The following ITGA8 variants were observed in gnomAD, a reference collection of about 807,000 sequenced individuals.
The protein encoded by ITGA8 is integrin alpha-8.
A neutral mutation model predicts 142.3 loss-of-function variants in ITGA8; 91 were observed. That is an observed-to-expected ratio of 0.64 (90% confidence interval 0.54 to 0.76). ITGA8 has a LOEUF of 0.76. Among genes scored for constraint, ITGA8 ranks in the 30% least tolerant of loss-of-function variants. The pLI is 0.00. For synonymous variants in ITGA8, 505 were observed against 485.2 expected (o/e 1.04, Z -0.54); for missense variants, 1,406 against 1,327.7 (o/e 1.06, Z -0.92).
intron 2 of ITGA8, among the ~76,000 whole-genome samples, chr10:15,707,546 G>A (rs1025967598): frequency 3.9e-5 from 6 of 152,160 alleles, no homozygotes; most frequent in African/African-American, 1.4e-4. Context: ...ATCAAGGCTA[G>A]GTGCAGTGGC....
At chr10:15,654,871 C>T (rs563884613) in intron 11 of ITGA8, among the ~76,000 whole-genome samples, 3 of 152,114 alleles carry the variant, frequency 2.0e-5, no homozygotes, top group Non-Finnish European at 1.5e-5. Flanking sequence ...TAAGCACAAC[C>T]AAAATTCACC....
intron 25 of ITGA8, among the ~76,000 whole-genome samples, chr10:15,561,245 A>ATATATATATATATATATATATATG (rs1554772750): frequency 2.2e-5 from 3 of 133,844 alleles, no homozygotes; most frequent in African/African-American, 8.7e-5. Flanking sequence ...GTATATATAT[A>ATATATATATATATATATATATATG]TATATATATG....
rs75923248 is a variant in ITGA8, at chr10:15,659,026, C to T, written c.921G>A (p.Thr307=). 1.6e-3 allele frequency: 2,620 copies of T among 1,606,718 alleles called. 35 individuals carry two copies. The African/African-American group carries it at 0.03, about 19-fold the overall frequency. The change falls in exon 10 of 30, where the codon ACG becomes ACA. Residue 307 remains threonine, a synonymous_variant. Coordinates refer to ENST00000378076, the MANE Select transcript of ITGA8 (RefSeq NM_003638.3). ...YVSIINSTDM[T]FIQNFTGEQM... ...GTTCTCCCGTGAAATTCTGAATAAA[C>T]GTCATATCCGTAGAGTTAATGATGG...
chr10:15,592,237 A>G lies in ITGA8; in HGVS notation c.2279T>C (p.Leu760Pro). The change falls in exon 22 of 30, where the codon CTC becomes CCC. Residue 760 changes from leucine to proline, a missense_variant. Physicochemically the swap from Leu to Pro is moderately conservative, Grantham distance 98. Coordinates refer to ENST00000378076, the MANE Select transcript of ITGA8 (RefSeq NM_003638.3). ...EKTNMSINFD[L>P]QIRSSNKDNP... is the part of the protein sequence containing the mutation. ...GTAAAGGTCTAACCTTCTGATTTGG[A>G]GATCGAAGTTAATGCTCATGTTTGT... 6.2e-7 allele frequency: 1 copy of G among 1,612,964 alleles called. No homozygotes were observed. The highest frequency in any genetic ancestry group is 8.5e-7 in the Non-Finnish European group (1 of 1,179,014).
At chr10:15,613,905 C>A in intron 14 of ITGA8, 138 bp from the exon 15 acceptor site, 1 of 621,438 alleles carries the variant, frequency 1.6e-6, no homozygotes, top group Non-Finnish European at 2.8e-6. Context: ...AGCATTTGTG[C>A]CAAGAATTTT....
intron 27 of ITGA8, among the ~76,000 whole-genome samples, chr10:15,538,694 A>G (rs1833505814): frequency 6.6e-6 from 1 of 152,048 alleles, no homozygotes; most frequent in South Asian, 2.1e-4. Flanking sequence ...CAAATTGTTA[A>G]GGTGTTAAAA....
At chr10:15,585,959 G>A (rs181278861) in intron 23 of ITGA8, among the ~76,000 whole-genome samples, 1,927 of 151,962 alleles carry the variant, frequency 0.013, 27 homozygotes, top group Non-Finnish European at 0.015. Context: ...TTTTTTTTCA[G>A]GGAATCACAT....
At chr10:15,542,010 C>G (rs1471243219) in intron 27 of ITGA8, among the ~76,000 whole-genome samples, 1 of 152,094 alleles carries the variant, frequency 6.6e-6, no homozygotes, top group East Asian at 1.9e-4. Context: ...TGTGTTTATT[C>G]AAACCTGTAA....
At chr10:15,629,144 A>G (rs1467807021) in intron 13 of ITGA8, among the ~76,000 whole-genome samples, 1 of 151,962 alleles carries the variant, frequency 6.6e-6, no homozygotes, top group Non-Finnish European at 1.5e-5. Flanking sequence ...TGAGAAAGGA[A>G]ATTAAATCTT....
At chr10:15,573,314 G>T (rs1233697289) in intron 24 of ITGA8, among the ~76,000 whole-genome samples, 1 of 152,112 alleles carries the variant, frequency 6.6e-6, no homozygotes, top group East Asian at 1.9e-4. Context: ...AAGCAGGACT[G>T]CCCTGAGAAT....
Position 15,582,792 on chromosome 10 carries a change from G to A in ITGA8, c.2372+3792C>T, listed in dbSNP as rs955803664. 2.6e-5 allele frequency among the ~76,000 whole-genome samples: 4 copies of A among 152,390 alleles called. No homozygotes were observed. In the East Asian group the frequency reaches 7.7e-4, roughly 29 times the overall value. On this transcript the variant is annotated intron_variant, in intron 23 of 29. Coordinates refer to ENST00000378076, the MANE Select transcript of ITGA8 (RefSeq NM_003638.3). ...CATAAAGCACATGCTGGCAAAAATG[G>A]TGCATGACTGCAACTCTCATGCATG...
intron 11 of ITGA8, among the ~76,000 whole-genome samples, chr10:15,647,787 T>C (rs1834014761): frequency 6.6e-6 from 1 of 152,190 alleles, no homozygotes. Flanking sequence ...AATGCAGTAA[T>C]GTTTAAAATC....
chr10:15,713,363 C>T (rs142909786), intron 2 of ITGA8, among the ~76,000 whole-genome samples: 118 of 152,216 alleles, frequency 7.8e-4, no homozygotes, highest in African/African-American at 2.7e-3. Flanking sequence ...TTCTGAGTAG[C>T]AAAACTTACT....
chr10:15,638,555 C>T (rs1002352183), intron 13 of ITGA8, among the ~76,000 whole-genome samples: 4 of 152,130 alleles, frequency 2.6e-5, no homozygotes, highest in Non-Finnish European at 5.9e-5. Context: ...GAGGAGAAAG[C>T]GTTTATCTCA....
At chr10:15,595,282 T>C (rs1220768005) in intron 21 of ITGA8, among the ~76,000 whole-genome samples, 1 of 152,230 alleles carries the variant, frequency 6.6e-6, no homozygotes, top group Non-Finnish European at 1.5e-5. Context: ...TTAAAATCTT[T>C]AGCACTGCTT....
chr10:15,514,521 G>C lies in ITGA8; in HGVS notation c.*2637C>G, dbSNP rs1301440733. Reference sequence around the variant, plus strand: ...TTCAAGCGATTCTCTCTCTGCCTCAGCCTCCTAGGTAGCTGGGATTACAGG... The same window carrying C: ...TTCAAGCGATTCTCTCTCTGCCTCACCCTCCTAGGTAGCTGGGATTACAGG... On this transcript the variant is annotated 3_prime_UTR_variant, in exon 30 of 30. Coordinates refer to ENST00000378076, the MANE Select transcript of ITGA8 (RefSeq NM_003638.3). 2 of 152,216 alleles carry C rather than the reference G, an allele frequency of 1.3e-5. No homozygotes were observed. Among genetic ancestry groups the C allele is most frequent in the African/African-American group, 4.8e-5 (2 of 41,420 alleles). The allele number at this position is 152,216 out of a possible 1,614,324, so 9.4% of individuals were successfully genotyped here. A position where few individuals can be genotyped will look rare whatever the true frequency, so the allele number is the denominator to read the frequency against.
At chr10:15,601,234 A>G (rs1468610014) in intron 20 of ITGA8, among the ~76,000 whole-genome samples, 5 of 150,872 alleles carry the variant, frequency 3.3e-5, no homozygotes, top group Non-Finnish European at 7.4e-5. Context: ...GCAAGACTCC[A>G]TAAAAAAAAG....
At chr10:15,609,082 C>T (rs897288719) in intron 15 of ITGA8, among the ~76,000 whole-genome samples, 2 of 152,100 alleles carry the variant, frequency 1.3e-5, no homozygotes, top group African/African-American at 4.8e-5. Flanking sequence ...CACACCATCA[C>T]TACCATTCAA....
intron 27 of ITGA8, among the ~76,000 whole-genome samples, chr10:15,533,478 A>G (rs1342559718): frequency 1.3e-5 from 2 of 152,136 alleles, no homozygotes. Context: ...TTTCAATCTA[A>G]TTTCCTTGCT....
Sources: gnomAD v4.1 joint callset for allele counts (sites outside exome capture counted in the v4.1 genomes callset) on GRCh38, gnomAD v4.1.1 for gene constraint, MANE v1.5 for transcripts, NCBI Gene and HGNC (gene_info 2026-07-23, HGNC 2026-07-21) for gene names.